The following PCDHGA7 variants were observed in gnomAD, a reference collection of about 807,000 sequenced individuals.
The protein encoded by PCDHGA7 is protocadherin gamma subfamily A, 7.
A neutral mutation model predicts 58.3 loss-of-function variants in PCDHGA7; 44 were observed. The ratio of observed to expected loss-of-function variants is 0.75; its 90% CI spans 0.59 to 0.97. The LOEUF (loss-of-function observed/expected upper bound fraction) is 0.97, where lower values mean the gene tolerates loss of function less well. PCDHGA7 is among the 50% of genes least tolerant of loss of function. The pLI, the probability that PCDHGA7 is intolerant of heterozygous loss-of-function variation, is 0.00. For synonymous variants in PCDHGA7, 516 were observed against 504.2 expected, an observed-to-expected ratio of 1.02 and a Z score of -0.31; for missense variants, 1,266 against 1,188.7, an observed-to-expected ratio of 1.06 and a Z score of -0.96.
In PCDHGA7 at chr5:141,485,457, T is replaced by G; in HGVS notation, c.2425-9350T>G. 1 of 1,614,124 alleles carries G rather than the reference T, an allele frequency of 6.2e-7. No individual in the cohort carries two copies. Among genetic ancestry groups the G allele is most frequent in the Non-Finnish European group, 8.5e-7 (1 of 1,180,020 alleles). On this transcript the variant is annotated intron_variant, in intron 1 of 3. Coordinates refer to ENST00000518325, the MANE Select transcript of PCDHGA7 (RefSeq NM_018920.4). This position sits in a 1 kb window ranked among gnomAD's most constrained non-coding sequence, Gnocchi z 5.7. ...AAGAACCCAATCGACCGAGAGGCAC[T>G]GTGTGGGCTCAGTGCCAGCTGCATC...
intron 1 of PCDHGA7, chr5:141,419,682 T>C (rs758536078): frequency 6.2e-7 from 1 of 1,612,950 alleles, no homozygotes; most frequent in Non-Finnish European, 8.5e-7. Flanking sequence ...TCCTACCACG[T>C]GGTGCAGGCC....
Position 141,510,960 on chromosome 5 carries a change from G to T in PCDHGA7, c.2586G>T (p.Gly862=). The T allele has an allele frequency of 6.2e-7, 1 of 1,614,120 alleles. No individual in the cohort carries two copies. The highest frequency in any genetic ancestry group is 1.3e-5 in the African/African-American group (1 of 75,022). ...ILASASEAAD[G]SSTLGGGAGT... is the part of the protein sequence containing the mutation. ...CTGTCTCTGCAGAAGCTGCTGATGG[G>T]AGCTCCACCCTGGGAGGGGGTGCCG... Residue 862 remains glycine, a synonymous_variant, in exon 4 of 4, where the codon GGG becomes GGT. Transcript: ENST00000518325.
intron 1 of PCDHGA7, chr5:141,427,712 C>A: frequency 9.5e-7 from 1 of 1,051,464 alleles, no homozygotes; most frequent in Non-Finnish European, 1.4e-6. Context: ...GCGCCTCTGA[C>A]CTGGACCTAG....
intron 1 of PCDHGA7, among the ~76,000 whole-genome samples, chr5:141,461,366 A>G (rs1186381077): frequency 6.6e-6 from 1 of 151,964 alleles, no homozygotes; most frequent in Non-Finnish European, 1.5e-5. Flanking sequence ...TTGTGGTTTT[A>G]ATTTGCATTT....
At chr5:141,403,740 C>T in intron 1 of PCDHGA7, 1 of 1,613,920 alleles carries the variant, frequency 6.2e-7, no homozygotes, top group Non-Finnish European at 8.5e-7. Flanking sequence ...TGGCTGCTTA[C>T]TGCAACAGCC....
At chr5:141,430,996 G>A (rs1256552269) in intron 1 of PCDHGA7, 6 of 1,614,024 alleles carry the variant, frequency 3.7e-6, no homozygotes, top group Non-Finnish European at 5.1e-6. Context: ...CCCTGAATCC[G>A]CGCAGCGGCA....
chr5:141,445,376 A>T (rs1182418123), intron 1 of PCDHGA7, among the ~76,000 whole-genome samples: 1 of 152,220 alleles, frequency 6.6e-6, no homozygotes, highest in Non-Finnish European at 1.5e-5. Context: ...TGGGTGGTTC[A>T]TTCATTCATT....
intron 1 of PCDHGA7, 142 bp downstream of exon 1, chr5:141,385,465 G>A: frequency 6.9e-7 from 1 of 1,441,910 alleles, no homozygotes; most frequent in Non-Finnish European, 9.1e-7. Flanking sequence ...TCCTTCAGTG[G>A]TGACACTTTA....
chr5:141,388,779 A>C lies in PCDHGA7; in HGVS notation c.2424+3456A>C, dbSNP rs2091486135. The C allele has an allele frequency of 4.3e-6, 7 of 1,613,974 alleles. No individual in the cohort carries two copies. In the East Asian group the frequency reaches 1.6e-4, roughly 36 times the overall value. On this transcript the variant is annotated intron_variant, in intron 1 of 3. Coordinates refer to ENST00000518325, the MANE Select transcript of PCDHGA7 (RefSeq NM_018920.4). ...TGACCTGAACTCTAACACCGGGGAAATTACTGTTTTAAATACATTAGATTT... is the reference window on the plus strand; with the variant it reads ...TGACCTGAACTCTAACACCGGGGAACTTACTGTTTTAAATACATTAGATTT...
chr5:141,395,195 C>T (rs1317395472), intron 1 of PCDHGA7: 1 of 1,613,760 alleles, frequency 6.2e-7, no homozygotes, highest in Admixed American at 1.7e-5. Context: ...TGTTAACATC[C>T]GTAGATTTTC....
chr5:141,453,423 C>T (rs931962019), intron 1 of PCDHGA7, among the ~76,000 whole-genome samples: 2 of 152,120 alleles, frequency 1.3e-5, no homozygotes, highest in African/African-American at 4.8e-5. Context: ...TAAGCCACCA[C>T]ACCTAGCCTA....
chr5:141,403,487 T>C, intron 1 of PCDHGA7: 1 of 1,613,930 alleles, frequency 6.2e-7, no homozygotes. Flanking sequence ...TCACCACTTC[T>C]CCCTGAACGT....
rs748972821 is a variant in PCDHGA7 at position 141,476,094 on chromosome 5, GAGAGGAACT to G, written c.2425-18712_2425-18704del. ...TCTCAGGGACGATCTGGACCCCGCT[GAGAGGAACT>G]GCTTTTGAGTGAGATGGTCCCAGAG... is the stretch of plus-strand genomic sequence containing the variant. On this transcript the variant is annotated intron_variant, in intron 1 of 3. Coordinates refer to ENST00000518325, the MANE Select transcript of PCDHGA7 (RefSeq NM_018920.4). This position sits in a 1 kb window ranked among gnomAD's most constrained non-coding sequence, Gnocchi z 7.6. 6.4e-7 allele frequency: 1 copy of G among 1,568,172 alleles called. No individual in the cohort carries two copies. The highest frequency in any genetic ancestry group is 1.2e-5 in the South Asian group (1 of 85,292).
chr5:141,420,076 T>A, intron 1 of PCDHGA7: 2 of 1,613,956 alleles, frequency 1.2e-6, no homozygotes, highest in Non-Finnish European at 1.7e-6. Context: ...GACCTGTGGG[T>A]CCCCCCAACT....
rs772052592 is a variant in PCDHGA7, at chr5:141,385,040, T to C, written c.2141T>C (p.Leu714Pro). 6.2e-6 allele frequency: 10 copies of C among 1,614,040 alleles called. No individual in the cohort carries two copies. In the South Asian group the frequency reaches 9.9e-5, roughly 16 times the overall value. Residue 714 changes from leucine (L) to proline (P), a missense_variant, in exon 1 of 4, where the codon CTC (leucine) becomes CCC (proline). Physicochemically the swap from Leu to Pro is moderately conservative, Grantham distance 98. Coordinates refer to ENST00000518325, the MANE Select transcript of PCDHGA7 (RefSeq NM_018920.4). The stretch of plus-strand genomic sequence containing the variant: ...GCCTTCGTCCTCGTACTGCTGGCGC[T>C]CAGGCTGCGGCGCTGGCACAAGTCA... ...FLAFVLVLLALRLRRWHKSRL... is the reference protein window; with the variant it reads ...FLAFVLVLLAPRLRRWHKSRL...
intron 1 of PCDHGA7, among the ~76,000 whole-genome samples, chr5:141,442,967 G>T (rs553833025): frequency 1.3e-5 from 2 of 152,220 alleles, no homozygotes; most frequent in African/African-American, 2.4e-5. Context: ...AGACATTCTG[G>T]CTGATAAAGT....
At chr5:141,402,934 A>G in intron 1 of PCDHGA7, 1 of 1,586,622 alleles carries the variant, frequency 6.3e-7, no homozygotes, top group Non-Finnish European at 8.6e-7. Flanking sequence ...TTTTGAGAAA[A>G]TTCCAAAGCG....
At position 141,489,314 on chromosome 5, in the gene PCDHGA7, G is replaced by C. The variant is rs374235290; in HGVS notation, c.2425-5493G>C. The stretch of plus-strand genomic sequence containing the variant: ...TGCATGTTGTCCTTGTGCTGCTGGG[G>C]CTGGGTGTCTGGGCAGCTTCGTTAC... On this transcript the variant is annotated intron_variant, in intron 1 of 3. Coordinates refer to ENST00000518325, the MANE Select transcript of PCDHGA7 (RefSeq NM_018920.4). This position sits in a 1 kb window ranked among gnomAD's most constrained non-coding sequence, Gnocchi z 4.5. 2 of 1,596,790 alleles carry C rather than the reference G, an allele frequency of 1.3e-6. No homozygotes were observed. The highest frequency in any genetic ancestry group is 2.2e-5 in the East Asian group (1 of 44,724).
At chr5:141,500,278 G>A (rs1338703900) in intron 2 of PCDHGA7, among the ~76,000 whole-genome samples, 2 of 150,508 alleles carry the variant, frequency 1.3e-5, no homozygotes, top group East Asian at 2.0e-4. Context: ...GCGCAATCTC[G>A]GCTCACTGCA....
Sources: allele counts gnomAD v4.1 joint callset (sites outside exome capture counted in the v4.1 genomes callset), GRCh38; gene constraint gnomAD v4.1.1; non-coding constraint Gnocchi (gnomAD v3.1); transcripts MANE v1.5; gene names NCBI Gene and HGNC (gene_info 2026-07-23, HGNC 2026-07-21).